CUL1: variants seen among roughly 807,000 people sequenced by gnomAD.
The protein encoded by CUL1 is cullin-1.
Under a neutral mutation model 118.0 loss-of-function variants are expected in CUL1, and 24 were observed. The ratio of observed to expected loss-of-function variants is 0.20; its 90% CI spans 0.15 to 0.29. The LOEUF is 0.29. CUL1 is among the 10% of genes least tolerant of loss of function. The pLI is 1.00. For synonymous variants in CUL1, 332 were observed against 340.4 expected, an observed-to-expected ratio of 0.98 and a Z score of 0.27; for missense variants, 361 against 933.8, an observed-to-expected ratio of 0.39 and a Z score of 7.99.
At chr7:148,763,279 A>T (rs1799897981) in intron 7 of CUL1, among the ~76,000 whole-genome samples, 1 of 152,226 alleles carries the variant, frequency 6.6e-6, no homozygotes, top group Admixed American at 6.5e-5. Context: ...TGCTTCCTAC[A>T]TCCTGGTTCC....
At chr7:148,726,756 T>A (rs1798597085) in intron 1 of CUL1, among the ~76,000 whole-genome samples, 1 of 152,000 alleles carries the variant, frequency 6.6e-6, no homozygotes, top group East Asian at 1.9e-4. Context: ...AGTGATTGTA[T>A]TTGGCTCTTA....
chr7:148,715,765 T>TA (rs981270961), intron 1 of CUL1, among the ~76,000 whole-genome samples: 3 of 152,010 alleles, frequency 2.0e-5, no homozygotes, highest in Non-Finnish European at 4.4e-5. Context: ...TGCCAACCTT[T>TA]AAAAAAAACA....
chr7:148,762,331 A>G (rs752643903), intron 7 of CUL1, among the ~76,000 whole-genome samples: 103 of 152,206 alleles, frequency 6.8e-4, no homozygotes, highest in Non-Finnish European at 9.8e-4. Flanking sequence ...TAGTGGTTAT[A>G]AATGGGCTTA....
upstream of CUL1, chr7:148,698,727 T>TC (rs1040399017): frequency 1.3e-5 from 2 of 152,110 alleles, no homozygotes; most frequent in African/African-American, 4.8e-5. Context: ...GTTCCGGCCC[T>TC]CCCCCAACAG....
At chr7:148,711,220 A>G (rs954160894) in intron 1 of CUL1, among the ~76,000 whole-genome samples, 1 of 152,214 alleles carries the variant, frequency 6.6e-6, no homozygotes, top group African/African-American at 2.4e-5. Flanking sequence ...CCCAGTGTCC[A>G]TAATTTCGGA....
At chr7:148,771,524 C>T (rs1800210478) in intron 9 of CUL1, among the ~76,000 whole-genome samples, 1 of 152,174 alleles carries the variant, frequency 6.6e-6, no homozygotes, top group Non-Finnish European at 1.5e-5. Flanking sequence ...GCCCTCCGAA[C>T]CTCGGAGTGG....
intron 2 of CUL1, among the ~76,000 whole-genome samples, chr7:148,743,754 C>G (rs371522078): frequency 2.1e-3 from 326 of 152,204 alleles, no homozygotes; most frequent in Non-Finnish European, 3.6e-3. Flanking sequence ...GTGATGAAAC[C>G]CTGTCTCTAC....
rs1184233752 is a variant in CUL1, at chr7:148,754,040, CCTT to C, written c.208_210del (p.Ser70del). On this transcript the variant is annotated inframe_deletion, in exon 3 of 22. Coordinates refer to ENST00000325222, the MANE Select transcript of CUL1 (RefSeq NM_003592.3). ...CCAAGCACGAGGAGCTGGAGTTCCT[CCTT>C]CTAAGTCGAAAAAGGGGCAGACACC... 2.5e-6 allele frequency: 4 copies of C among 1,613,990 alleles called. No individual in the cohort carries two copies. Among genetic ancestry groups the C allele is most frequent in the Non-Finnish European group, 3.4e-6 (4 of 1,179,930 alleles).
At position 148,755,426 on chromosome 7, in the gene CUL1, A is replaced by G. The variant is rs545891279; in HGVS notation, c.315+1276A>G. Among the ~76,000 whole-genome samples the G allele has an allele frequency of 2.0e-4, 30 of 152,328 alleles. No individual in the cohort carries two copies. The South Asian group carries it at 6.2e-3, about 32-fold the overall frequency. ...ATTCTGCATGCTGCAAAATTGTTTT[A>G]CCTAATTTATTTTTGCAAGCTAATT... On this transcript the variant is annotated intron_variant, in intron 3 of 21. Transcript: ENST00000325222.
intron 2 of CUL1, among the ~76,000 whole-genome samples, chr7:148,735,390 G>A (rs1217776111): frequency 6.6e-6 from 1 of 152,224 alleles, no homozygotes; most frequent in African/African-American, 2.4e-5. Context: ...ACTCTTTTCA[G>A]GTCCACACTC....
chr7:148,765,268 C>A (rs147915509), intron 7 of CUL1, among the ~76,000 whole-genome samples: 264 of 152,114 alleles, frequency 1.7e-3, no homozygotes, highest in African/African-American at 6.0e-3. Flanking sequence ...TTTATTTTTT[C>A]TTGGCTCTTG....
chr7:148,698,007 G>A (rs1451977462), upstream of CUL1: 1 of 152,244 alleles, frequency 6.6e-6, no homozygotes, highest in Non-Finnish European at 1.5e-5. Context: ...TAGAGTGAAT[G>A]TCAAAATTTG....
rs1307734370 is a variant in CUL1, at chr7:148,738,171, CAG to C, written c.140+7913_140+7914del. Among the ~76,000 whole-genome samples the C allele has an allele frequency of 3.9e-5, 6 of 152,272 alleles. No homozygotes were observed. The South Asian group carries it at 6.2e-4, about 16-fold the overall frequency. On this transcript the variant is annotated intron_variant, in intron 2 of 21. Transcript: ENST00000325222. The stretch of plus-strand genomic sequence containing the variant: ...AAATAAGGCATGGTGCTGTGGGTAA[CAG>C]AGACATTTGAGAATACTGGCTCCGT...
intron 1 of CUL1, among the ~76,000 whole-genome samples, chr7:148,723,706 A>C (rs961909200): frequency 1.3e-5 from 2 of 151,416 alleles, no homozygotes; most frequent in African/African-American, 4.8e-5. Context: ...AGTGAGGTAT[A>C]TCATTTTTAA....
upstream of CUL1, chr7:148,698,492 C>T (rs926083923): frequency 6.6e-6 from 1 of 152,060 alleles, no homozygotes; most frequent in African/African-American, 2.4e-5. Flanking sequence ...TCCGGCGCGC[C>T]GGGTCGGGGA....
chr7:148,752,509 ATATAT>A (rs1194973265), intron 2 of CUL1, among the ~76,000 whole-genome samples: 1 of 152,084 alleles, frequency 6.6e-6, no homozygotes, highest in Non-Finnish European at 1.5e-5. Context: ...GGGCATTAGT[ATATAT>A]TTATTTTACC....
chr7:148,774,069 G>A (rs377036982), intron 9 of CUL1, among the ~76,000 whole-genome samples: 25 of 152,180 alleles, frequency 1.6e-4, no homozygotes, highest in African/African-American at 5.1e-4. Context: ...TAAATAAATC[G>A]GAGAATAGCA....
intron 2 of CUL1, 63 bp downstream of exon 2, chr7:148,730,325 T>C (rs917164558): frequency 6.0e-6 from 9 of 1,494,134 alleles, no homozygotes; most frequent in African/African-American, 4.2e-5. Context: ...GTATGACTTA[T>C]GAATTATTAG....
At chr7:148,747,524 G>T (rs925592604) in intron 2 of CUL1, among the ~76,000 whole-genome samples, 3 of 152,268 alleles carry the variant, frequency 2.0e-5, no homozygotes, top group East Asian at 3.9e-4. Context: ...GCTGGGAGGG[G>T]CTGAGAGCTG....
Sources: gnomAD v4.1 joint callset for allele counts (sites outside exome capture counted in the v4.1 genomes callset) on GRCh38, gnomAD v4.1.1 for gene constraint, MANE v1.5 for transcripts, NCBI Gene and HGNC (gene_info 2026-07-23, HGNC 2026-07-21) for gene names.